Variants in DNAH11 observed in about 807,000 individuals in gnomAD.
DNAH11 encodes the protein dynein axonemal heavy chain 11, also known as axonemal beta dynein heavy chain 11.
A neutral mutation model predicts 526.0 loss-of-function variants in DNAH11; 442 were observed. The ratio of observed to expected loss-of-function variants is 0.84; its 90% confidence interval spans 0.78 to 0.91. The LOEUF is 0.91. DNAH11 is among the 40% of genes least tolerant of loss of function. The pLI is 0.00. For synonymous variants in DNAH11, 2,461 were observed against 1,935.9 expected (o/e 1.27, Z -7.12); for missense variants, 6,989 against 5,448.7 (o/e 1.28, Z -8.90).
chr7:21,621,044 T>C (rs192075214), intron 25 of DNAH11, among the ~76,000 whole-genome samples: 1,912 of 152,200 alleles, frequency 0.013, 77 homozygotes, highest in South Asian at 0.082. Flanking sequence ...TGTGTCTTTA[T>C]AGCAGCATGA....
At chr7:21,705,726 G>A (rs183131933) in intron 39 of DNAH11, among the ~76,000 whole-genome samples, 189 bp downstream of exon 39, 11 of 152,188 alleles carry the variant, frequency 7.2e-5, no homozygotes, top group Admixed American at 2.0e-4. Flanking sequence ...TTGGGTCAGC[G>A]GGGGGAGAAC....
chr7:21,756,447 A>G (rs1786645777), intron 54 of DNAH11, among the ~76,000 whole-genome samples: 2 of 152,086 alleles, frequency 1.3e-5, no homozygotes, highest in African/African-American at 4.8e-5. Context: ...GCCCTATAGT[A>G]TATTCTGGAA....
intron 9 of DNAH11, among the ~76,000 whole-genome samples, chr7:21,587,069 A>G (rs1784499336): frequency 6.6e-6 from 1 of 152,360 alleles, no homozygotes; most frequent in South Asian, 2.1e-4. Context: ...ACATAGCACT[A>G]TAGAAACATT....
At chr7:21,842,283 T>C (rs1180336462) in intron 65 of DNAH11, among the ~76,000 whole-genome samples, 2 of 152,222 alleles carry the variant, frequency 1.3e-5, no homozygotes, top group Admixed American at 1.3e-4. Flanking sequence ...TATATGATTG[T>C]ATTTAATTGT....
intron 14 of DNAH11, among the ~76,000 whole-genome samples, chr7:21,596,047 T>G (rs1020158985): frequency 2.0e-5 from 3 of 152,174 alleles, no homozygotes; most frequent in Non-Finnish European, 2.9e-5. Context: ...GAGAAGAAAA[T>G]AAAAAGAAGT....
At chr7:21,696,097 A>G (rs1393770558) in intron 35 of DNAH11, among the ~76,000 whole-genome samples, 1 of 152,146 alleles carries the variant, frequency 6.6e-6, no homozygotes, top group African/African-American at 2.4e-5. Context: ...GGTTTTATTT[A>G]GGGTGCTCAA....
At chr7:21,795,476 CTCATT>C (rs1431812491) in intron 61 of DNAH11, among the ~76,000 whole-genome samples, 1 of 152,222 alleles carries the variant, frequency 6.6e-6, no homozygotes, top group Non-Finnish European at 1.5e-5. Context: ...CATGCGAACT[CTCATT>C]TCCTTTCTGT....
intron 70 of DNAH11, among the ~76,000 whole-genome samples, chr7:21,865,728 C>G (rs944993111): frequency 6.6e-6 from 1 of 152,074 alleles, no homozygotes; most frequent in East Asian, 1.9e-4. Context: ...AAGAATTCAG[C>G]GTGAGTCTGT....
At chr7:21,845,605 A>G (rs1438943374) in intron 66 of DNAH11, among the ~76,000 whole-genome samples, 2 of 152,036 alleles carry the variant, frequency 1.3e-5, no homozygotes, top group East Asian at 1.9e-4. Flanking sequence ...CCTTTTATCA[A>G]TATCACACCG....
At chr7:21,823,744 T>A (rs1481514235) in intron 65 of DNAH11, among the ~76,000 whole-genome samples, 1 of 152,190 alleles carries the variant, frequency 6.6e-6, no homozygotes, top group African/African-American at 2.4e-5. Flanking sequence ...ACTAGGTGGA[T>A]TAAGTATTCA....
intron 54 of DNAH11, among the ~76,000 whole-genome samples, chr7:21,753,357 A>T (rs1465388955): frequency 1.3e-5 from 2 of 152,200 alleles, no homozygotes; most frequent in Non-Finnish European, 2.9e-5. Context: ...AGTCTGAGGG[A>T]GTAAATATTT....
At chr7:21,601,854 C>T (rs1192835390) in intron 18 of DNAH11, among the ~76,000 whole-genome samples, 5 of 152,042 alleles carry the variant, frequency 3.3e-5, no homozygotes, top group Middle Eastern at 3.4e-3. Context: ...AAATACTTAA[C>T]CACTGTGCTC....
At chr7:21,860,296 AAGAT>A (rs1322823417) in intron 68 of DNAH11, among the ~76,000 whole-genome samples, 2 of 151,934 alleles carry the variant, frequency 1.3e-5, no homozygotes, top group Non-Finnish European at 2.9e-5. Context: ...TCAAAAAAAA[AAGAT>A]AACAAGTGTT....
chr7:21,589,244 A>G lies in DNAH11; in HGVS notation c.2010A>G (p.Gln670=). The part of the protein sequence containing the change: ...LGNPDHALVY[Q]KYVEMTTLLD... Reference sequence around the variant, plus strand: ...ATCCTGATCACGCTTTAGTTTATCAAAAGTATGTTGAAATGACCACTTTGC... The same window carrying G: ...ATCCTGATCACGCTTTAGTTTATCAGAAGTATGTTGAAATGACCACTTTGC... Residue 670 remains glutamine, a synonymous_variant, in exon 12 of 82, where the codon CAA becomes CAG. Coordinates refer to ENST00000409508, the MANE Select transcript of DNAH11 (RefSeq NM_001277115.2). The G allele has an allele frequency of 6.2e-7, 1 of 1,610,108 alleles. No homozygotes were observed. Among genetic ancestry groups the G allele is most frequent in the Non-Finnish European group, 8.5e-7 (1 of 1,178,840 alleles).
chr7:21,817,249 A>C (rs1283141069), intron 64 of DNAH11, among the ~76,000 whole-genome samples: 1 of 152,196 alleles, frequency 6.6e-6, no homozygotes, highest in East Asian at 1.9e-4. Context: ...TCTGATAGAT[A>C]GAAAGCTGTC....
At chr7:21,758,076 G>A (rs1786716322) in intron 54 of DNAH11, among the ~76,000 whole-genome samples, 2 of 152,158 alleles carry the variant, frequency 1.3e-5, no homozygotes, top group African/African-American at 4.8e-5. Context: ...AGCACATTCT[G>A]ACACATGCAC....
At chr7:21,558,602 A>G (rs1386137837) in intron 2 of DNAH11, among the ~76,000 whole-genome samples, 200 bp from the exon 3 acceptor site, 1 of 152,234 alleles carries the variant, frequency 6.6e-6, no homozygotes, top group Non-Finnish European at 1.5e-5. Context: ...AACAAGCAGT[A>G]TGCTAATTCC....
chr7:21,793,052 C>T (rs1489277586), intron 61 of DNAH11, among the ~76,000 whole-genome samples: 1 of 152,018 alleles, frequency 6.6e-6, no homozygotes, highest in African/African-American at 2.4e-5. Flanking sequence ...TTGCTGTATT[C>T]CATAGACCGA....
intron 45 of DNAH11, 41 bp from the exon 46 acceptor site, chr7:21,735,599 C>CT: frequency 6.5e-7 from 1 of 1,541,826 alleles, no homozygotes; most frequent in Non-Finnish European, 8.8e-7. Context: ...CGCACTCTCT[C>CT]TCTCTTTCTG....
Sources: allele counts gnomAD v4.1 joint callset (sites outside exome capture counted in the v4.1 genomes callset), GRCh38; gene constraint gnomAD v4.1.1; transcripts MANE v1.5; gene names NCBI Gene and HGNC (gene_info 2026-07-23, HGNC 2026-07-21).